The following B4GALT5 variants were observed in gnomAD, a reference collection of about 807,000 sequenced individuals.
B4GALT5 encodes the protein beta-1,4-galactosyltransferase 5.
In B4GALT5, 11 loss-of-function variants were observed where a neutral mutation model predicts 45.0. That is an observed-to-expected ratio of 0.24 (90% CI 0.15 to 0.40). The LOEUF (loss-of-function observed/expected upper bound fraction) is 0.40. B4GALT5 is among the 10% of genes least tolerant of loss of function. The pLI, the probability that B4GALT5 is intolerant of heterozygous loss-of-function variation, is 1.00. For synonymous variants in B4GALT5, 185 were observed against 182.9 expected (o/e 1.01, Z -0.09); for missense variants, 337 against 500.2 (o/e 0.67, Z 3.11).
chr20:49,702,961 C>A (rs1400877897), intron 1 of B4GALT5, among the ~76,000 whole-genome samples: 1 of 151,774 alleles, frequency 6.6e-6, no homozygotes, highest in Non-Finnish European at 1.5e-5. Context: ...ATCATGAGGT[C>A]AGGAGATCAA....
Position 49,634,836 on chromosome 20 carries a change from C to T in B4GALT5, c.*1476G>A, listed in dbSNP as rs1419472335. The stretch of plus-strand genomic sequence containing the variant: ...GAGCTGTGATCGTGCCACCACACTC[C>T]AGCTTAGGCGACAGAGCCAGACCGT... On this transcript the variant is annotated 3_prime_UTR_variant, in exon 9 of 9. Transcript: ENST00000371711. 1.3e-5 allele frequency: 2 copies of T among 152,330 alleles called. No individual in the cohort carries two copies. Among genetic ancestry groups the T allele is most frequent in the Non-Finnish European group, 2.9e-5 (2 of 68,176 alleles). 9.4% of individuals were successfully genotyped at this position (152,330 alleles called of 1,614,324 possible). A position where few individuals can be genotyped will look rare whatever the true frequency, so the allele number is the denominator to read the frequency against.
intron 1 of B4GALT5, among the ~76,000 whole-genome samples, chr20:49,685,045 A>T (rs1163656418): frequency 1.3e-5 from 2 of 152,200 alleles, no homozygotes; most frequent in East Asian, 3.8e-4. Flanking sequence ...CAATATTGTT[A>T]TTCTGATTGT....
intron 3 of B4GALT5, among the ~76,000 whole-genome samples, chr20:49,644,199 T>A (rs1601247180): frequency 6.6e-6 from 1 of 152,208 alleles, no homozygotes; most frequent in East Asian, 1.9e-4. Flanking sequence ...AATGTTAGGA[T>A]TACAGTCGTG....
chr20:49,706,034 A>C (rs2085882481), intron 1 of B4GALT5, among the ~76,000 whole-genome samples: 1 of 151,450 alleles, frequency 6.6e-6, no homozygotes, highest in Non-Finnish European at 1.5e-5. Context: ...ACAAAAAAAA[A>C]AAAAAAAATT....
intron 1 of B4GALT5, 85 bp downstream of exon 1, chr20:49,713,491 C>A: frequency 7.2e-7 from 1 of 1,385,848 alleles, no homozygotes; most frequent in Non-Finnish European, 9.8e-7. Flanking sequence ...GCCTCCCGGC[C>A]GGGGCCCCTT....
intron 1 of B4GALT5, among the ~76,000 whole-genome samples, chr20:49,694,063 C>A (rs1303862994): frequency 1.3e-5 from 2 of 152,178 alleles, no homozygotes; most frequent in Non-Finnish European, 2.9e-5. Context: ...ATCAACTAAG[C>A]TAGCAGAAGT....
At chr20:49,689,395 C>T (rs1020230519) in intron 1 of B4GALT5, among the ~76,000 whole-genome samples, 1 of 152,108 alleles carries the variant, frequency 6.6e-6, no homozygotes, top group Non-Finnish European at 1.5e-5. Context: ...CGTTTCTGCC[C>T]CGTGGGAACT....
At chr20:49,675,704 A>G (rs1192934825) in intron 1 of B4GALT5, among the ~76,000 whole-genome samples, 1 of 152,230 alleles carries the variant, frequency 6.6e-6, no homozygotes, top group Non-Finnish European at 1.5e-5. Context: ...ACAAAACCTC[A>G]TGTGACTGTT....
intron 1 of B4GALT5, among the ~76,000 whole-genome samples, chr20:49,707,712 T>C (rs2085890161): frequency 6.6e-6 from 1 of 152,080 alleles, no homozygotes; most frequent in African/African-American, 2.4e-5. Context: ...CCTCCCAGGC[T>C]CAGGTGATCT....
At chr20:49,640,014 G>C (rs2085569533) in intron 6 of B4GALT5, among the ~76,000 whole-genome samples, 2 of 152,314 alleles carry the variant, frequency 1.3e-5, no homozygotes, top group Admixed American at 6.5e-5. Flanking sequence ...GGCCCATTTA[G>C]AGTATATCAT....
chr20:49,687,902 T>C (rs1162012657), intron 1 of B4GALT5, among the ~76,000 whole-genome samples: 2 of 152,022 alleles, frequency 1.3e-5, no homozygotes, highest in African/African-American at 4.8e-5. Context: ...ATTTTTTTTT[T>C]CAAAGTCTGA....
At chr20:49,711,978 T>G (rs899799329) in intron 1 of B4GALT5, among the ~76,000 whole-genome samples, 1 of 152,140 alleles carries the variant, frequency 6.6e-6, no homozygotes, top group East Asian at 1.9e-4. Flanking sequence ...CATCAACCCT[T>G]TCCTAAAATC....
At chr20:49,637,228 C>T in intron 8 of B4GALT5, 113 bp downstream of exon 8, 1 of 896,920 alleles carries the variant, frequency 1.1e-6, no homozygotes, top group Non-Finnish European at 1.8e-6. Context: ...AAACAGCTGT[C>T]AGAACAGGGC....
Position 49,640,471 on chromosome 20 carries a change from T to C in B4GALT5, c.794+7A>G. 1 of 1,560,794 alleles carries C rather than the reference T, an allele frequency of 6.4e-7. No homozygotes were observed. The highest frequency in any genetic ancestry group is 1.2e-5 in the South Asian group (1 of 82,394). Reference sequence around the variant, plus strand: ...AACCTCTTTAATTAAGAAGAAATGATACTCACAGATACATATACTTATCCA... The same window carrying C: ...AACCTCTTTAATTAAGAAGAAATGACACTCACAGATACATATACTTATCCA... On this transcript the variant is annotated splice_region_variant and intron_variant, in intron 6 of 8. Transcript: ENST00000371711.
intron 1 of B4GALT5, among the ~76,000 whole-genome samples, chr20:49,705,642 G>C (rs2085880664): frequency 6.6e-6 from 1 of 152,168 alleles, no homozygotes; most frequent in Non-Finnish European, 1.5e-5. Context: ...TTAAAAGACA[G>C]TGTCTTTACT....
chr20:49,656,958 T>C (rs369064474), intron 1 of B4GALT5, among the ~76,000 whole-genome samples: 213 of 152,310 alleles, frequency 1.4e-3, no homozygotes, highest in African/African-American at 5.0e-3. Context: ...AAAAAAAATA[T>C]ATTCCATCTC....
intron 1 of B4GALT5, among the ~76,000 whole-genome samples, chr20:49,662,045 T>G (rs377136182): frequency 1.4e-3 from 219 of 152,342 alleles, no homozygotes; most frequent in African/African-American, 5.2e-3. Context: ...CTGGGTTTCC[T>G]GCCCTTCAGC....
At position 49,646,919 on chromosome 20, in the gene B4GALT5, T is replaced by C. The variant is rs773005235; in HGVS notation, c.364+46A>G. 4.0e-6 allele frequency: 5 copies of C among 1,243,390 alleles called. No homozygotes were observed. The East Asian group carries it at 9.5e-5, about 24-fold the overall frequency. The allele number at this position is 1,243,390 out of a possible 1,614,324, so 77.0% of individuals were successfully genotyped here. A position where few individuals can be genotyped will look rare whatever the true frequency, so the allele number is the denominator to read the frequency against. On this transcript the variant is annotated intron_variant, in intron 3 of 8. Transcript: ENST00000371711. ...AGAGAGATCAAGAGTGCCCTCCCCT[T>C]TATCCATTTTAAAAGCAGAGGAAGA...
chr20:49,694,655 AAAAGGAAAG>A (rs2085830491), intron 1 of B4GALT5, among the ~76,000 whole-genome samples: 1 of 106,470 alleles, frequency 9.4e-6, no homozygotes, highest in African/African-American at 3.4e-5. Flanking sequence ...AGGGAAAGGG[AAAAGGAAAG>A]GGAAAGGGAA....
Sources: gnomAD v4.1 joint callset for allele counts (sites outside exome capture counted in the v4.1 genomes callset) on GRCh38, gnomAD v4.1.1 for gene constraint, MANE v1.5 for transcripts, NCBI Gene and HGNC (gene_info 2026-07-23, HGNC 2026-07-21) for gene names.